CNTNAP2: variants seen among roughly 807,000 people sequenced by gnomAD.
The protein encoded by CNTNAP2 is contactin-associated protein-like 2.
CNTNAP2 carries 98 observed loss-of-function variants against 155.2 expected under a neutral mutation model. The ratio of observed to expected loss-of-function variants is 0.63; its 90% confidence interval spans 0.54 to 0.75. The LOEUF (loss-of-function observed/expected upper bound fraction) is 0.75, where lower values mean the gene tolerates loss of function less well. CNTNAP2 is among the 30% of genes least tolerant of loss of function. The probability of loss-of-function intolerance (pLI) is 0.00; values close to 1 mark genes in which losing one functional copy is unlikely to be tolerated. For synonymous variants in CNTNAP2, 651 were observed against 631.2 expected (o/e 1.03, Z -0.47); for missense variants, 1,727 against 1,688.1 (o/e 1.02, Z -0.40).
chr7:146,726,196 C>T (rs1158061517), intron 1 of CNTNAP2, among the ~76,000 whole-genome samples: 1 of 152,002 alleles, frequency 6.6e-6, no homozygotes, highest in Non-Finnish European at 1.5e-5. Context: ...GGTTTTCTTT[C>T]AAAAAGTGTT....
chr7:146,797,974 A>T (rs182462181), intron 2 of CNTNAP2, among the ~76,000 whole-genome samples: 1 of 151,972 alleles, frequency 6.6e-6, no homozygotes, highest in Non-Finnish European at 1.5e-5. Context: ...TTCATATGAC[A>T]ATTAAGTTGA....
At chr7:147,279,673 G>A (rs980350158) in intron 8 of CNTNAP2, among the ~76,000 whole-genome samples, 1 of 151,820 alleles carries the variant, frequency 6.6e-6, no homozygotes, top group Non-Finnish European at 1.5e-5. Flanking sequence ...ATCCCTAGAT[G>A]ATCCACCAGC....
intron 3 of CNTNAP2, among the ~76,000 whole-genome samples, chr7:147,041,433 C>A (rs746646533): frequency 1.3e-5 from 2 of 152,150 alleles, no homozygotes; most frequent in African/African-American, 4.8e-5. Flanking sequence ...GCATAACTAT[C>A]CCTGGACTCT....
chr7:146,696,793 T>G (rs1800789710), intron 1 of CNTNAP2, among the ~76,000 whole-genome samples: 1 of 152,292 alleles, frequency 6.6e-6, no homozygotes, highest in East Asian at 1.9e-4. Flanking sequence ...TTAAAATTTA[T>G]TGTATTCTGC....
At chr7:146,622,520 T>G (rs1799344615) in intron 1 of CNTNAP2, among the ~76,000 whole-genome samples, 2 of 152,180 alleles carry the variant, frequency 1.3e-5, no homozygotes, top group South Asian at 2.1e-4. Context: ...TCTGTTTGTA[T>G]GTATATTCAT....
intron 1 of CNTNAP2, among the ~76,000 whole-genome samples, chr7:146,438,697 T>C (rs1584925788): frequency 6.6e-6 from 1 of 151,738 alleles, no homozygotes; most frequent in East Asian, 1.9e-4. Context: ...TTTCTAGAAT[T>C]CTTTTACTCA....
At chr7:146,742,241 TC>T in intron 1 of CNTNAP2, among the ~76,000 whole-genome samples, 1 of 152,142 alleles carries the variant, frequency 6.6e-6, no homozygotes, top group East Asian at 1.9e-4. Context: ...ATCTAAAGTA[TC>T]AGCTGGATAT....
At chr7:147,033,091 A>C (rs1254730890) in intron 3 of CNTNAP2, among the ~76,000 whole-genome samples, 1 of 148,684 alleles carries the variant, frequency 6.7e-6, no homozygotes, top group Non-Finnish European at 1.5e-5. Context: ...AACATTAAGA[A>C]GACAAGATGT....
chr7:147,038,431 A>G lies in CNTNAP2; in HGVS notation c.403-5476A>G, dbSNP rs564355121. Among the ~76,000 whole-genome samples, 15 of 152,340 alleles carry G rather than the reference A, an allele frequency of 9.8e-5. No individual in the cohort carries two copies. In the South Asian group the frequency reaches 3.1e-3, roughly 32 times the overall value. ...ATTTCAGTTGCTCAGAAACAAACAA[A>G]TAAGGAAACAGATCAAATAATCCAA... On this transcript the variant is annotated intron_variant, in intron 3 of 23. Transcript: ENST00000361727.
chr7:146,676,090 A>C (rs1235473872), intron 1 of CNTNAP2, among the ~76,000 whole-genome samples: 1 of 152,162 alleles, frequency 6.6e-6, no homozygotes, highest in African/African-American at 2.4e-5. Flanking sequence ...TGTGTTCTAT[A>C]ATATTCTAAA....
At chr7:146,709,085 A>G (rs1383428459) in intron 1 of CNTNAP2, among the ~76,000 whole-genome samples, 1 of 152,200 alleles carries the variant, frequency 6.6e-6, no homozygotes, top group Non-Finnish European at 1.5e-5. Context: ...TATCTGGGTA[A>G]CATAATTGTG....
At chr7:146,694,372 A>G (rs1449565540) in intron 1 of CNTNAP2, among the ~76,000 whole-genome samples, 2 of 152,186 alleles carry the variant, frequency 1.3e-5, no homozygotes, top group African/African-American at 4.8e-5. Context: ...TACTTTTTCC[A>G]TTGACTTGCC....
At chr7:147,185,198 A>G (rs1802540011) in intron 8 of CNTNAP2, among the ~76,000 whole-genome samples, 1 of 152,188 alleles carries the variant, frequency 6.6e-6, no homozygotes, top group Non-Finnish European at 1.5e-5. Context: ...AAGAAGTAAT[A>G]TAAATAAGAA....
At chr7:148,016,842 T>G (rs1802185493) in intron 15 of CNTNAP2, among the ~76,000 whole-genome samples, 1 of 152,174 alleles carries the variant, frequency 6.6e-6, no homozygotes, top group African/African-American at 2.4e-5. Context: ...CGGAAGGTAT[T>G]TCTGGAATAG....
chr7:146,253,970 G>C (rs912743422), intron 1 of CNTNAP2, among the ~76,000 whole-genome samples: 2 of 152,062 alleles, frequency 1.3e-5, no homozygotes, highest in African/African-American at 4.8e-5. Flanking sequence ...GCTGACATGG[G>C]AGGATTTCTT....
chr7:146,291,046 T>G (rs547343053), intron 1 of CNTNAP2, among the ~76,000 whole-genome samples: 65 of 152,324 alleles, frequency 4.3e-4, no homozygotes, highest in African/African-American at 1.5e-3. Context: ...CATTCTGCTT[T>G]TCTCCATTTC....
chr7:146,919,521 A>G (rs1291694179), intron 3 of CNTNAP2, among the ~76,000 whole-genome samples: 1 of 152,190 alleles, frequency 6.6e-6, no homozygotes, highest in African/African-American at 2.4e-5. Flanking sequence ...ATCTGCAAAC[A>G]GTCCTGTGAT....
intron 1 of CNTNAP2, among the ~76,000 whole-genome samples, chr7:146,761,973 A>G (rs1374463475): frequency 3.9e-5 from 6 of 152,206 alleles, no homozygotes; most frequent in African/African-American, 1.2e-4. Flanking sequence ...TAAGAAAGAT[A>G]TAGTTAATTA....
At chr7:147,382,411 A>G (rs1278854172) in intron 9 of CNTNAP2, among the ~76,000 whole-genome samples, 2 of 152,190 alleles carry the variant, frequency 1.3e-5, no homozygotes, top group Non-Finnish European at 2.9e-5. Context: ...CATTTTGCAG[A>G]GTGAGGATGG....
Sources: gnomAD v4.1 joint callset for allele counts (sites outside exome capture counted in the v4.1 genomes callset) on GRCh38, gnomAD v4.1.1 for gene constraint, MANE v1.5 for transcripts, NCBI Gene and HGNC (gene_info 2026-07-23, HGNC 2026-07-21) for gene names.